MACROD2: variants seen among roughly 807,000 people sequenced by gnomAD.
MACROD2 encodes the protein mono-ADP ribosylhydrolase 2.
A neutral mutation model predicts 70.4 loss-of-function variants in MACROD2; 36 were observed. The observed-to-expected ratio is 0.51, with a 90% CI of 0.39 to 0.68. The LOEUF is 0.68. MACROD2 is among the 30% of genes least tolerant of loss of function. The pLI, the probability that MACROD2 is intolerant of heterozygous loss-of-function variation, is 0.00. For missense variants in MACROD2, 496 were observed against 538.4 expected (o/e 0.92, Z 0.78); for synonymous variants, 172 against 178.8 (o/e 0.96, Z 0.30).
intron 6 of MACROD2, among the ~76,000 whole-genome samples, chr20:15,308,104 G>A (rs2077715460): frequency 6.6e-6 from 1 of 152,060 alleles, no homozygotes; most frequent in Admixed American, 6.6e-5. Context: ...GACATGATAT[G>A]GATGGTATCT....
intron 3 of MACROD2, among the ~76,000 whole-genome samples, chr20:14,458,201 A>G (rs2084326219): frequency 6.6e-6 from 1 of 152,088 alleles, no homozygotes; most frequent in Non-Finnish European, 1.5e-5. Flanking sequence ...AATGAAGACT[A>G]TTTGACAATC....
At position 15,432,132 on chromosome 20, in the gene MACROD2, A is replaced by T. The variant is rs549035587; in HGVS notation, c.571+697A>T. On this transcript the variant is annotated intron_variant, in intron 7 of 17. Transcript: ENST00000684519. ...AGATTTTCTGATCTAAGTGAAATAG[A>T]TTACATTCTTTCTGAACTTAAACTT... Among the ~76,000 whole-genome samples the T allele has an allele frequency of 2.1e-4, 32 of 152,186 alleles. No homozygotes were observed. The South Asian group carries it at 5.8e-3, about 28-fold the overall frequency.
chr20:14,694,340 C>T (rs2071096907), intron 5 of MACROD2, among the ~76,000 whole-genome samples: 1 of 152,066 alleles, frequency 6.6e-6, no homozygotes, highest in Non-Finnish European at 1.5e-5. Context: ...GATAAAGTAA[C>T]CGAGGCCTAG....
At chr20:15,498,268 TCTCA>T in intron 7 of MACROD2, among the ~76,000 whole-genome samples, 1 of 152,326 alleles carries the variant, frequency 6.6e-6, no homozygotes, top group South Asian at 2.1e-4. Context: ...TTTCTTGTCC[TCTCA>T]CTCATTTTTT....
chr20:14,213,589 G>A (rs539235024), intron 3 of MACROD2, among the ~76,000 whole-genome samples: 30 of 151,846 alleles, frequency 2.0e-4, no homozygotes, highest in African/African-American at 5.1e-4. Context: ...AAATCTTACC[G>A]GGATATAGCT....
chr20:15,083,309 C>T (rs980759689), intron 5 of MACROD2, among the ~76,000 whole-genome samples: 1 of 152,158 alleles, frequency 6.6e-6, no homozygotes, highest in South Asian at 2.1e-4. Flanking sequence ...GATGTAGGCC[C>T]AGCTTAACCA....
At chr20:15,214,201 G>A (rs2076789034) in intron 5 of MACROD2, among the ~76,000 whole-genome samples, 1 of 152,006 alleles carries the variant, frequency 6.6e-6, no homozygotes, top group Non-Finnish European at 1.5e-5. Context: ...ATTTTTCTCT[G>A]GCTGTGTCCA....
chr20:14,594,596 TAGAA>T (rs1488289410), intron 4 of MACROD2, among the ~76,000 whole-genome samples: 2 of 152,150 alleles, frequency 1.3e-5, no homozygotes, highest in Non-Finnish European at 2.9e-5. Context: ...GTGGTTAAGT[TAGAA>T]AATACAAAGA....
intron 5 of MACROD2, among the ~76,000 whole-genome samples, chr20:14,878,001 G>GCT (rs1035638509): frequency 6.6e-6 from 1 of 152,068 alleles, no homozygotes; most frequent in Non-Finnish European, 1.5e-5. Flanking sequence ...AGGAGTTAGG[G>GCT]AAGAGTCCCT....
intron 6 of MACROD2, among the ~76,000 whole-genome samples, chr20:15,305,603 T>C (rs1270988310): frequency 6.6e-6 from 1 of 152,082 alleles, no homozygotes; most frequent in Non-Finnish European, 1.5e-5. Flanking sequence ...TGACAATTCC[T>C]GTGATACCAT....
At chr20:15,473,821 A>G (rs6043303) in intron 7 of MACROD2, among the ~76,000 whole-genome samples, 14,942 of 152,238 alleles carry the variant, frequency 0.098, 833 homozygotes, top group Non-Finnish European at 0.13. Context: ...ACGTGGGTTT[A>G]CTAATCAGAT....
chr20:14,007,614 G>A (rs927811111), intron 2 of MACROD2, among the ~76,000 whole-genome samples: 23 of 152,228 alleles, frequency 1.5e-4, no homozygotes, highest in Non-Finnish European at 2.9e-4. Flanking sequence ...ATGATAGAAA[G>A]ATGGCATTAC....
intron 3 of MACROD2, among the ~76,000 whole-genome samples, chr20:14,347,384 G>T (rs1295360741): frequency 6.6e-6 from 1 of 152,136 alleles, no homozygotes. Context: ...TTATGAAAAA[G>T]AAAGTACGTA....
At chr20:15,534,211 C>G (rs189122684) in intron 8 of MACROD2, among the ~76,000 whole-genome samples, 1 of 152,086 alleles carries the variant, frequency 6.6e-6, no homozygotes, top group Non-Finnish European at 1.5e-5. Flanking sequence ...CAGGACCATA[C>G]GTGATTGTGT....
chr20:14,180,168 G>A (rs865807760), intron 3 of MACROD2, among the ~76,000 whole-genome samples: 1 of 151,870 alleles, frequency 6.6e-6, no homozygotes, highest in East Asian at 1.9e-4. Flanking sequence ...TCTCTAGACT[G>A]TTATTGGGTA....
chr20:15,209,104 TGGTGGTGGTGG>T (rs1332264124), intron 5 of MACROD2, among the ~76,000 whole-genome samples: 4 of 146,796 alleles, frequency 2.7e-5, no homozygotes, highest in Admixed American at 2.0e-4. Flanking sequence ...GTGGTGGTGG[TGGTGGTGGTGG>T]TATTTATTTA....
intron 3 of MACROD2, among the ~76,000 whole-genome samples, chr20:14,186,936 G>A (rs2081349621): frequency 6.6e-6 from 1 of 152,040 alleles, no homozygotes; most frequent in Non-Finnish European, 1.5e-5. Flanking sequence ...TAGACACAGG[G>A]CACTGGGGAC....
Position 14,410,183 on chromosome 20 carries a change from A to G in MACROD2, c.272-83296A>G, listed in dbSNP as rs552725625. On this transcript the variant is annotated intron_variant, in intron 3 of 17. Coordinates refer to ENST00000684519, the MANE Select transcript of MACROD2 (RefSeq NM_001351661.2). ...AATCTTGAAAAGTTGTTTAAAAATTAGTAGGTTGGAGGTGAGGCCCAGAGT... is the reference window on the plus strand; with the variant it reads ...AATCTTGAAAAGTTGTTTAAAAATTGGTAGGTTGGAGGTGAGGCCCAGAGT... Among the ~76,000 whole-genome samples, 5 of 149,368 alleles carry G rather than the reference A, an allele frequency of 3.3e-5. No individual in the cohort carries two copies. The South Asian group carries it at 1.1e-3, about 32-fold the overall frequency.
Position 14,665,875 on chromosome 20 carries a change from T to G in MACROD2, c.302-18968T>G, listed in dbSNP as rs185237391. On this transcript the variant is annotated intron_variant, in intron 4 of 17. Coordinates refer to ENST00000684519, the MANE Select transcript of MACROD2 (RefSeq NM_001351661.2). The stretch of plus-strand genomic sequence containing the variant: ...ATTGTGAAGCATTATGCACTCCATA[T>G]GAATGTGGAGGCACCATTTTCTTCT... Among the ~76,000 whole-genome samples, 172 of 152,246 alleles carry G rather than the reference T, an allele frequency of 1.1e-3. 3 individuals carry two copies. Among genetic ancestry groups the G allele is most frequent in the Admixed American group, 0.011 (172 of 15,260 alleles).
Sources: gnomAD v4.1 joint callset for allele counts (sites outside exome capture counted in the v4.1 genomes callset) on GRCh38, gnomAD v4.1.1 for gene constraint, MANE v1.5 for transcripts, NCBI Gene and HGNC (gene_info 2026-07-23, HGNC 2026-07-21) for gene names.